The following TRIM37 variants were observed in gnomAD, a reference collection of about 807,000 sequenced individuals.
TRIM37 encodes E3 ubiquitin-protein ligase TRIM37.
Under a neutral mutation model 129.8 loss-of-function variants are expected in TRIM37, and 80 were observed. The observed-to-expected ratio is 0.62, with a 90% CI of 0.51 to 0.74. The LOEUF (loss-of-function observed/expected upper bound fraction) is 0.74. TRIM37 is among the 30% of genes least tolerant of loss of function. The pLI, the probability that TRIM37 is intolerant of heterozygous loss-of-function variation, is 0.00. For synonymous variants in TRIM37, 389 were observed against 387.1 expected (o/e 1.00, Z -0.06); for missense variants, 1,054 against 1,176.5 (o/e 0.90, Z 1.52).
intron 22 of TRIM37, among the ~76,000 whole-genome samples, chr17:59,004,439 G>T (rs1467913645): frequency 1.3e-5 from 2 of 151,734 alleles, no homozygotes; most frequent in Admixed American, 1.3e-4. Flanking sequence ...CAAGTAAAAG[G>T]AAGGAAATAA....
chr17:59,083,037 C>T (rs1323813630), intron 5 of TRIM37, among the ~76,000 whole-genome samples: 1 of 152,192 alleles, frequency 6.6e-6, no homozygotes, highest in East Asian at 1.9e-4. Flanking sequence ...TAGATACCTA[C>T]CCACTTCCAT....
At chr17:59,031,288 T>C (rs142215362) in intron 18 of TRIM37, among the ~76,000 whole-genome samples, 4 of 152,360 alleles carry the variant, frequency 2.6e-5, no homozygotes, top group African/African-American at 9.6e-5. Context: ...GACTATACTT[T>C]AGAAAGCATT....
At chr17:59,080,640 A>G (rs1416153468) in intron 6 of TRIM37, among the ~76,000 whole-genome samples, 1 of 152,030 alleles carries the variant, frequency 6.6e-6, no homozygotes, top group Non-Finnish European at 1.5e-5. Flanking sequence ...AAAATACAAA[A>G]ATTAGCTGGG....
chr17:59,103,210 C>CT (rs2045675165), intron 2 of TRIM37, among the ~76,000 whole-genome samples: 1 of 152,126 alleles, frequency 6.6e-6, no homozygotes, highest in African/African-American at 2.4e-5. Context: ...AGCATGTGAC[C>CT]TCTTTGATTT....
intron 19 of TRIM37, among the ~76,000 whole-genome samples, chr17:59,018,186 C>G (rs954789755): frequency 2.6e-5 from 4 of 152,008 alleles, no homozygotes; most frequent in African/African-American, 9.7e-5. Context: ...AAAAAAGGGA[C>G]TATATGACCT....
intron 4 of TRIM37, among the ~76,000 whole-genome samples, chr17:59,085,018 C>T (rs2043625515): frequency 6.6e-6 from 1 of 152,192 alleles, no homozygotes; most frequent in South Asian, 2.1e-4. Flanking sequence ...TCACTTTATA[C>T]CATATACACA....
intron 11 of TRIM37, 112 bp from the exon 12 acceptor site, chr17:59,061,220 G>A (rs1238812835): frequency 4.9e-6 from 4 of 810,180 alleles, no homozygotes; most frequent in Non-Finnish European, 6.2e-6. Flanking sequence ...CAAAGCAATG[G>A]AAGAAATAAT....
At chr17:59,025,670 C>T (rs896057436) in intron 19 of TRIM37, among the ~76,000 whole-genome samples, 13 of 151,818 alleles carry the variant, frequency 8.6e-5, no homozygotes, top group Non-Finnish European at 1.5e-4. Context: ...TGGCATCACC[C>T]GAATACTGTA....
chr17:59,078,285 T>C (rs1395891753), intron 7 of TRIM37, among the ~76,000 whole-genome samples: 1 of 152,124 alleles, frequency 6.6e-6, no homozygotes, highest in Non-Finnish European at 1.5e-5. Flanking sequence ...AAAAGCTACC[T>C]TGGAAATCAC....
intron 2 of TRIM37, among the ~76,000 whole-genome samples, chr17:59,103,556 G>C (rs1019199880): frequency 1.1e-4 from 16 of 151,450 alleles, no homozygotes; most frequent in Non-Finnish European, 1.9e-4. Flanking sequence ...TGGTCAGGCT[G>C]TTCTCGAACT....
At chr17:59,035,578 C>T (rs550676396) in intron 17 of TRIM37, among the ~76,000 whole-genome samples, 92 of 151,352 alleles carry the variant, frequency 6.1e-4, no homozygotes, top group African/African-American at 2.1e-3. Flanking sequence ...ATGGTGAAAC[C>T]GTCTCTACTA....
intron 22 of TRIM37, among the ~76,000 whole-genome samples, chr17:59,003,384 G>A (rs1441889067): frequency 5.9e-5 from 9 of 152,130 alleles, no homozygotes; most frequent in Non-Finnish European, 1.3e-4. Flanking sequence ...CATAAAAATT[G>A]TTCAGGAGCT....
chr17:59,059,550 C>G (rs1378503675), intron 12 of TRIM37: 2 of 152,294 alleles, frequency 1.3e-5, no homozygotes, highest in East Asian at 3.9e-4. Context: ...AGGCTGGTCT[C>G]AAATTCCTGG....
intron 17 of TRIM37, among the ~76,000 whole-genome samples, chr17:59,036,538 G>A (rs935291536): frequency 2.0e-5 from 3 of 150,498 alleles, no homozygotes; most frequent in Non-Finnish European, 3.0e-5. Context: ...GCTGGAGTAC[G>A]GTGGCAGAAT....
intron 21 of TRIM37, among the ~76,000 whole-genome samples, chr17:59,013,018 G>A (rs1464858033): frequency 1.3e-5 from 2 of 151,974 alleles, no homozygotes; most frequent in East Asian, 3.9e-4. Flanking sequence ...AAATACACAG[G>A]ATCTCTCTGC....
chr17:59,103,465 C>T (rs995299989), intron 2 of TRIM37, among the ~76,000 whole-genome samples: 1 of 151,732 alleles, frequency 6.6e-6, no homozygotes, highest in Admixed American at 6.6e-5. Flanking sequence ...CCTCAGCCTC[C>T]TGAGTAGCTG....
chr17:59,062,263 G>A (rs1238897916), intron 11 of TRIM37, among the ~76,000 whole-genome samples: 6 of 152,126 alleles, frequency 3.9e-5, no homozygotes, highest in African/African-American at 7.2e-5. Flanking sequence ...AAGAAAATAT[G>A]AGCCAAGGAT....
rs1437139421 is a variant in TRIM37, at chr17:59,057,135, T to A, written c.1020-81A>T. The A allele has an allele frequency of 6.5e-6, 8 of 1,223,756 alleles. 1 individual carries two copies. The highest frequency in any genetic ancestry group is 9.5e-6 in the Non-Finnish European group (8 of 842,580). 75.8% of individuals were successfully genotyped at this position (1,223,756 alleles called of 1,614,324 possible). A position where few individuals can be genotyped will look rare whatever the true frequency, so the allele number is the denominator to read the frequency against. ...AAACTCATCTAAACATTAAGGTCAC[T>A]AAGTAATTACCTGAGAAGAAACCTT... On this transcript the variant is annotated intron_variant, in intron 12 of 23. Transcript: ENST00000262294.
At chr17:59,081,964 A>AAAAAAAAAAAAAAAAAAAAT (rs1568200247) in intron 5 of TRIM37, among the ~76,000 whole-genome samples, 2 of 87,200 alleles carry the variant, frequency 2.3e-5, no homozygotes, top group Non-Finnish European at 4.3e-5. Flanking sequence ...AAAAAAAAAA[A>AAAAAAAAAAAAAAAAAAAAT]AATAATAATA....
Sources: allele counts gnomAD v4.1 joint callset (sites outside exome capture counted in the v4.1 genomes callset), GRCh38; gene constraint gnomAD v4.1.1; transcripts MANE v1.5; gene names NCBI Gene and HGNC (gene_info 2026-07-23, HGNC 2026-07-21).